DPYD: variants seen among roughly 807,000 people sequenced by gnomAD.
The protein encoded by DPYD is dihydropyrimidine dehydrogenase.
A neutral mutation model predicts 116.2 loss-of-function variants in DPYD; 109 were observed. The ratio of observed to expected loss-of-function variants is 0.94; its 90% CI spans 0.80 to 1.10. The LOEUF (loss-of-function observed/expected upper bound fraction) is 1.10. Ranked by LOEUF, DPYD falls within the 50% of genes least tolerant of loss-of-function variation. The pLI is 0.00. For synonymous variants in DPYD, 440 were observed against 432.0 expected, an observed-to-expected ratio of 1.02 and a Z score of -0.23; for missense variants, 1,302 against 1,254.5, an observed-to-expected ratio of 1.04 and a Z score of -0.57.
intron 16 of DPYD, among the ~76,000 whole-genome samples, chr1:97,370,801 T>C (rs979256660): frequency 2.6e-5 from 4 of 152,124 alleles, no homozygotes; most frequent in African/African-American, 9.7e-5. Context: ...AGTGGCTTGA[T>C]AAAGGTGACA....
At chr1:97,516,793 C>T (rs191995771) in intron 12 of DPYD, among the ~76,000 whole-genome samples, 71 of 152,004 alleles carry the variant, frequency 4.7e-4, no homozygotes, top group African/African-American at 1.6e-3. Flanking sequence ...TTGCATCAGG[C>T]CTTTTGTTTG....
chr1:97,349,967 G>A (rs1214357676), intron 16 of DPYD, among the ~76,000 whole-genome samples: 4 of 148,016 alleles, frequency 2.7e-5, no homozygotes, highest in African/African-American at 4.9e-5. Flanking sequence ...AAATGCTGCA[G>A]ATTCAAACAA....
intron 16 of DPYD, among the ~76,000 whole-genome samples, chr1:97,359,504 T>C (rs533954246): frequency 6.6e-6 from 1 of 152,158 alleles, no homozygotes; most frequent in Non-Finnish European, 1.5e-5. Flanking sequence ...AGACACATAA[T>C]TGTCAGATTC....
intron 12 of DPYD, 37 bp from the exon 13 acceptor site, chr1:97,515,978 A>C (rs369396222): frequency 2.5e-5 from 39 of 1,567,964 alleles, no homozygotes; most frequent in Admixed American, 8.4e-5. Flanking sequence ...TTCATATTAC[A>C]TCTAAATTGT....
intron 3 of DPYD, among the ~76,000 whole-genome samples, chr1:97,760,277 A>C (rs1665500669): frequency 6.6e-6 from 1 of 152,122 alleles, no homozygotes; most frequent in East Asian, 1.9e-4. Context: ...CTTCATTCCA[A>C]ATATACAGCC....
intron 20 of DPYD, among the ~76,000 whole-genome samples, chr1:97,141,826 T>A: frequency 6.6e-6 from 1 of 152,146 alleles, no homozygotes; most frequent in East Asian, 1.9e-4. Context: ...GGCCTCTGTG[T>A]CGTGTTAACT....
chr1:97,128,635 C>T (rs1340997521), intron 20 of DPYD, among the ~76,000 whole-genome samples: 2 of 152,032 alleles, frequency 1.3e-5, no homozygotes, highest in East Asian at 1.9e-4. Flanking sequence ...AATGCTCTTA[C>T]GGGACTCGGG....
intron 14 of DPYD, among the ~76,000 whole-genome samples, chr1:97,447,602 T>C (rs1390188077): frequency 6.6e-6 from 1 of 152,154 alleles, no homozygotes; most frequent in Non-Finnish European, 1.5e-5. Context: ...TGCATTTTTT[T>C]CTCAAGAAAA....
At chr1:97,487,621 T>C (rs1027465323) in intron 13 of DPYD, among the ~76,000 whole-genome samples, 7 of 152,000 alleles carry the variant, frequency 4.6e-5, no homozygotes, top group East Asian at 3.9e-4. Flanking sequence ...TGCAGTGAGC[T>C]GAGATTGCAC....
chr1:97,079,852 C>A (rs1649032705), intron 22 of DPYD, among the ~76,000 whole-genome samples: 1 of 152,004 alleles, frequency 6.6e-6, no homozygotes, highest in Admixed American at 6.6e-5. Context: ...ATTTTCCTTC[C>A]CCCGTCTTCC....
intron 14 of DPYD, among the ~76,000 whole-genome samples, chr1:97,412,867 A>G (rs571162511): frequency 1.8e-4 from 28 of 152,342 alleles, no homozygotes; most frequent in African/African-American, 6.0e-4. Flanking sequence ...ATTTAATGAA[A>G]GAACAGAAAG....
chr1:97,421,513 A>T (rs1211002450), intron 14 of DPYD, among the ~76,000 whole-genome samples: 1 of 151,572 alleles, frequency 6.6e-6, no homozygotes, highest in Non-Finnish European at 1.5e-5. Context: ...AAACGTAAGG[A>T]TGGGTTTTTG....
chr1:97,252,663 G>C (rs917013429), intron 18 of DPYD, among the ~76,000 whole-genome samples: 1 of 152,074 alleles, frequency 6.6e-6, no homozygotes, highest in African/African-American at 2.4e-5. Flanking sequence ...GCTATATACT[G>C]TTTTTCTCAA....
intron 8 of DPYD, among the ~76,000 whole-genome samples, chr1:97,615,126 A>T (rs942798416): frequency 1.3e-5 from 2 of 152,170 alleles, no homozygotes; most frequent in Non-Finnish European, 2.9e-5. Flanking sequence ...CATGAGTAAG[A>T]CACAATTCTT....
rs373042253 is a variant in DPYD at position 97,561,114 on chromosome 1, A to T, written c.1340-11370T>A. Reference sequence around the variant, plus strand: ...CAATAAAATAGGACAGCATTTGTAGATTTAGAACAACAACAAAAAAGAAAT... The same window carrying T: ...CAATAAAATAGGACAGCATTTGTAGTTTTAGAACAACAACAAAAAAGAAAT... On this transcript the variant is annotated intron_variant, in intron 11 of 22. Coordinates refer to ENST00000370192, the MANE Select transcript of DPYD (RefSeq NM_000110.4). Among the ~76,000 whole-genome samples the T allele has an allele frequency of 2.1e-4, 32 of 152,334 alleles. 1 individual carries two copies. The highest frequency in any genetic ancestry group is 1.7e-3 in the East Asian group (9 of 5,186).
At chr1:97,505,331 A>T (rs966066902) in intron 13 of DPYD, among the ~76,000 whole-genome samples, 3 of 152,000 alleles carry the variant, frequency 2.0e-5, no homozygotes, top group African/African-American at 7.2e-5. Context: ...ACAGCTACTT[A>T]TAACATTTCA....
Position 97,593,338 on chromosome 1 carries a change from A to T in DPYD, c.1008T>A (p.Ile336=), listed in dbSNP as rs750994754. ...SPLPSIRGVV[I]VLGAGDTAFD... ...AGGCAGTGTCTCCAGCTCCAAGTAC[A>T]ATCACGACTCCCCGTATCGATGGCA... Residue 336 remains isoleucine (I), a synonymous_variant, in exon 10 of 23, where the codon ATT becomes ATA. Coordinates refer to ENST00000370192, the MANE Select transcript of DPYD (RefSeq NM_000110.4). 2.5e-6 allele frequency: 4 copies of T among 1,614,140 alleles called. No individual in the cohort carries two copies. In the East Asian group the frequency reaches 8.9e-5, roughly 36 times the overall value.
intron 1 of DPYD, among the ~76,000 whole-genome samples, chr1:97,911,281 T>C (rs1673921156): frequency 6.6e-6 from 1 of 152,082 alleles, no homozygotes; most frequent in Admixed American, 6.6e-5. Flanking sequence ...AAGTTTTGTT[T>C]CTTACTGTCC....
chr1:97,622,671 T>C (rs969637450), intron 8 of DPYD, among the ~76,000 whole-genome samples: 7 of 152,064 alleles, frequency 4.6e-5, no homozygotes, highest in Admixed American at 1.3e-4. Context: ...AAACTGAATG[T>C]GGACTCCAGC....
Sources: allele counts gnomAD v4.1 joint callset (sites outside exome capture counted in the v4.1 genomes callset), GRCh38; gene constraint gnomAD v4.1.1; transcripts MANE v1.5; gene names NCBI Gene and HGNC (gene_info 2026-07-23, HGNC 2026-07-21).